The following LRRC4C variants were observed in gnomAD, a reference collection of about 807,000 sequenced individuals.
LRRC4C encodes the protein leucine-rich repeat-containing protein 4C.
Under a neutral mutation model 33.6 loss-of-function variants are expected in LRRC4C, and 5 were observed. The ratio of observed to expected loss-of-function variants is 0.15; its 90% confidence interval spans 0.08 to 0.31. The LOEUF is 0.31. LRRC4C is among the 10% of genes least tolerant of loss of function. LRRC4C has a pLI of 1.00. For synonymous variants in LRRC4C, 329 were observed against 302.0 expected, an observed-to-expected ratio of 1.09 and a Z score of -0.93; for missense variants, 560 against 796.7, an observed-to-expected ratio of 0.70 and a Z score of 3.58.
chr11:40,349,312 T>C (rs924755756), intron 3 of LRRC4C, among the ~76,000 whole-genome samples: 1 of 152,160 alleles, frequency 6.6e-6, no homozygotes, highest in African/African-American at 2.4e-5. Context: ...GGTGAGAATA[T>C]GCAAAAGTTT....
intron 1 of LRRC4C, among the ~76,000 whole-genome samples, chr11:41,008,022 C>T (rs1428911982): frequency 6.6e-6 from 1 of 152,014 alleles, no homozygotes; most frequent in Admixed American, 6.6e-5. Context: ...CATTTTCTTT[C>T]GTATTCCAAT....
Position 41,429,992 on chromosome 11 carries a change from CCAA to C in LRRC4C, c.-496+29436_-496+29438del, listed in dbSNP as rs549158074. ...AATCATGCCAGTTAAAGAAACCACA[CCAA>C]CGATACACAACAAACATTTCAAGTG... On this transcript the variant is annotated intron_variant, in intron 1 of 6. Coordinates refer to ENST00000528697, the MANE Select transcript of LRRC4C (RefSeq NM_001258419.2). Among the ~76,000 whole-genome samples the C allele has an allele frequency of 3.9e-5, 6 of 152,142 alleles. No individual in the cohort carries two copies. The East Asian group carries it at 1.2e-3, about 30-fold the overall frequency.
chr11:40,182,000 T>A (rs1861045268), intron 5 of LRRC4C, among the ~76,000 whole-genome samples: 1 of 152,210 alleles, frequency 6.6e-6, no homozygotes, highest in South Asian at 2.1e-4. Flanking sequence ...TCAGGAAATT[T>A]CATTCCTTGA....
At chr11:40,328,694 T>G (rs4636656) in intron 3 of LRRC4C, among the ~76,000 whole-genome samples, 128,652 of 152,116 alleles carry the variant, frequency 0.85, 55,782 homozygotes, top group East Asian at 0.98. Flanking sequence ...GGTATCACTT[T>G]GTAATTTTCC....
intron 3 of LRRC4C, among the ~76,000 whole-genome samples, chr11:40,594,835 T>C (rs969431154): frequency 1.3e-5 from 2 of 152,084 alleles, no homozygotes; most frequent in Non-Finnish European, 2.9e-5. Context: ...TGTAGAAATA[T>C]TAAAAAATAA....
At chr11:40,401,118 A>T (rs1949741235) in intron 3 of LRRC4C, among the ~76,000 whole-genome samples, 1 of 152,096 alleles carries the variant, frequency 6.6e-6, no homozygotes, top group Non-Finnish European at 1.5e-5. Flanking sequence ...AACTTCATGC[A>T]CTAGCACAGA....
At chr11:41,212,455 C>A (rs1164689309) in intron 1 of LRRC4C, among the ~76,000 whole-genome samples, 1 of 152,198 alleles carries the variant, frequency 6.6e-6, no homozygotes, top group East Asian at 1.9e-4. Flanking sequence ...GCATGATGTG[C>A]AGGTTTGTTA....
chr11:41,080,466 C>G (rs768211720), intron 1 of LRRC4C, among the ~76,000 whole-genome samples: 4 of 151,672 alleles, frequency 2.6e-5, no homozygotes, highest in Non-Finnish European at 5.9e-5. Flanking sequence ...ATTCTCCTAC[C>G]TCAGCCTCCT....
chr11:40,551,344 C>T (rs1330576541), intron 3 of LRRC4C, among the ~76,000 whole-genome samples: 1 of 129,300 alleles, frequency 7.7e-6, no homozygotes, highest in African/African-American at 2.5e-5. Flanking sequence ...GAGATCATTT[C>T]AAGGAATTTT....
chr11:40,830,963 C>T (rs1319231439), intron 2 of LRRC4C, among the ~76,000 whole-genome samples: 1 of 152,112 alleles, frequency 6.6e-6, no homozygotes, highest in Non-Finnish European at 1.5e-5. Flanking sequence ...CCCAAAGACA[C>T]TTGTTGGAAT....
rs1044483334 is a variant in LRRC4C at position 40,980,813 on chromosome 11, G to T, written c.-495-47090C>A. 3.9e-5 allele frequency among the ~76,000 whole-genome samples: 6 copies of T among 152,144 alleles called. No individual in the cohort carries two copies. The East Asian group carries it at 1.2e-3, about 29-fold the overall frequency. ...ATACCTTATTTTGATATATTCAAAA[G>T]ATGTTGAAGAATCTCTTCAAGTTTA... On this transcript the variant is annotated intron_variant, in intron 1 of 6. Coordinates refer to ENST00000528697, the MANE Select transcript of LRRC4C (RefSeq NM_001258419.2).
intron 3 of LRRC4C, among the ~76,000 whole-genome samples, chr11:40,549,778 G>T (rs1565495518): frequency 6.6e-6 from 1 of 152,052 alleles, no homozygotes; most frequent in Admixed American, 6.6e-5. Flanking sequence ...GAAAAAAAGT[G>T]AAAATACATA....
chr11:40,188,440 C>CA (rs539275637), intron 5 of LRRC4C, among the ~76,000 whole-genome samples: 5 of 152,190 alleles, frequency 3.3e-5, no homozygotes, highest in African/African-American at 1.2e-4. Context: ...CTCCTATTAT[C>CA]AAAAATACAA....
At chr11:41,370,889 A>G (rs186451147) in intron 1 of LRRC4C, among the ~76,000 whole-genome samples, 1 of 152,108 alleles carries the variant, frequency 6.6e-6, no homozygotes, top group African/African-American at 2.4e-5. Flanking sequence ...TGTGGGCAAC[A>G]TCCCTTCTCC....
intron 2 of LRRC4C, among the ~76,000 whole-genome samples, chr11:40,727,312 A>G (rs1440614047): frequency 6.6e-6 from 1 of 152,174 alleles, no homozygotes; most frequent in Non-Finnish European, 1.5e-5. Flanking sequence ...AATAAGCAAT[A>G]GGGGAAGGAG....
chr11:40,634,546 G>A (rs554722196), intron 3 of LRRC4C, among the ~76,000 whole-genome samples: 7 of 152,128 alleles, frequency 4.6e-5, no homozygotes, highest in South Asian at 4.2e-4. Flanking sequence ...TAAGATGTTC[G>A]TACTAACATT....
intron 2 of LRRC4C, among the ~76,000 whole-genome samples, chr11:40,811,657 C>T (rs897174637): frequency 6.6e-6 from 1 of 152,026 alleles, no homozygotes; most frequent in Admixed American, 6.6e-5. Context: ...ACCACCATGC[C>T]CAGCTAATTT....
intron 5 of LRRC4C, among the ~76,000 whole-genome samples, chr11:40,157,308 T>C (rs1040968325): frequency 1.3e-5 from 2 of 152,184 alleles, no homozygotes; most frequent in Non-Finnish European, 2.9e-5. Flanking sequence ...ATAAAAATTC[T>C]AGAAGACAAC....
intron 1 of LRRC4C, among the ~76,000 whole-genome samples, chr11:41,204,475 T>C (rs996373247): frequency 2.0e-5 from 3 of 152,180 alleles, no homozygotes; most frequent in African/African-American, 7.2e-5. Context: ...AGCCCAGAGA[T>C]TGTCAGTCAG....
Sources: gnomAD v4.1 joint callset for allele counts (sites outside exome capture counted in the v4.1 genomes callset) on GRCh38, gnomAD v4.1.1 for gene constraint, MANE v1.5 for transcripts, NCBI Gene and HGNC (gene_info 2026-07-23, HGNC 2026-07-21) for gene names.